Variants in PCDH9 observed in about 807,000 individuals in gnomAD.
PCDH9 encodes the protein protocadherin-9.
PCDH9 carries 24 observed loss-of-function variants against 70.6 expected under a neutral mutation model. The ratio of observed to expected loss-of-function variants is 0.34; its 90% CI spans 0.25 to 0.48. The LOEUF (loss-of-function observed/expected upper bound fraction) is 0.48. PCDH9 is among the 20% of genes least tolerant of loss of function. PCDH9 has a pLI of 0.99. For synonymous variants in PCDH9, 562 were observed against 558.5 expected, an observed-to-expected ratio of 1.01 and a Z score of -0.09; for missense variants, 1,281 against 1,503.6, an observed-to-expected ratio of 0.85 and a Z score of 2.45.
intron 4 of PCDH9, among the ~76,000 whole-genome samples, chr13:66,606,542 A>G (rs1166579380): frequency 6.6e-6 from 1 of 152,164 alleles, no homozygotes; most frequent in Non-Finnish European, 1.5e-5. Flanking sequence ...CTAGTATTCC[A>G]GCACTGTAAT....
At chr13:66,878,196 T>C (rs1443928330) in intron 3 of PCDH9, among the ~76,000 whole-genome samples, 1 of 151,746 alleles carries the variant, frequency 6.6e-6, no homozygotes, top group African/African-American at 2.4e-5. Context: ...GTGGGACTAA[T>C]TTTTTATTAT....
At chr13:66,578,051 A>T (rs1219777426) in intron 4 of PCDH9, among the ~76,000 whole-genome samples, 1 of 152,090 alleles carries the variant, frequency 6.6e-6, no homozygotes, top group Non-Finnish European at 1.5e-5. Flanking sequence ...TCAAGAGATG[A>T]TATAGATTAT....
chr13:66,403,158 A>C (rs1957218635), intron 4 of PCDH9, among the ~76,000 whole-genome samples: 1 of 151,374 alleles, frequency 6.6e-6, no homozygotes, highest in Non-Finnish European at 1.5e-5. Context: ...TTTTTTTTTC[A>C]ATACAGGGTT....
intron 3 of PCDH9, among the ~76,000 whole-genome samples, chr13:66,658,376 G>T (rs1276787085): frequency 1.3e-5 from 2 of 152,094 alleles, no homozygotes; most frequent in African/African-American, 4.8e-5. Flanking sequence ...TTATGTGTCT[G>T]TTCCAGTCTA....
At chr13:66,986,641 T>G (rs2083897127) in intron 2 of PCDH9, among the ~76,000 whole-genome samples, 1 of 151,986 alleles carries the variant, frequency 6.6e-6, no homozygotes, top group Non-Finnish European at 1.5e-5. Flanking sequence ...GCTAAACATC[T>G]TATTAATACT....
chr13:67,178,355 G>T (rs968780130), intron 2 of PCDH9, among the ~76,000 whole-genome samples: 7 of 152,016 alleles, frequency 4.6e-5, no homozygotes, highest in Non-Finnish European at 1.5e-5. Context: ...TAAAATAAGG[G>T]TCAATAATAT....
chr13:66,442,716 ATAT>A (rs1957998039), intron 4 of PCDH9, among the ~76,000 whole-genome samples: 2 of 151,996 alleles, frequency 1.3e-5, no homozygotes, highest in African/African-American at 4.8e-5. Flanking sequence ...TTTAGCGATA[ATAT>A]TATGGGGACA....
At chr13:66,934,910 C>T (rs1205076695) in intron 2 of PCDH9, among the ~76,000 whole-genome samples, 9 of 149,328 alleles carry the variant, frequency 6.0e-5, no homozygotes, top group Middle Eastern at 3.4e-3. Flanking sequence ...TTAGTAGAGA[C>T]GGGGTTTCAC....
intron 2 of PCDH9, among the ~76,000 whole-genome samples, chr13:66,906,772 A>G (rs1466565738): frequency 6.6e-6 from 1 of 152,226 alleles, no homozygotes; most frequent in Non-Finnish European, 1.5e-5. Flanking sequence ...ACTGTAAACA[A>G]TATTTTGAGA....
intron 4 of PCDH9, among the ~76,000 whole-genome samples, chr13:66,528,530 T>C (rs1204602052): frequency 6.6e-6 from 1 of 152,116 alleles, no homozygotes; most frequent in Non-Finnish European, 1.5e-5. Flanking sequence ...AAAATGTGAG[T>C]GCCTAGTCAA....
chr13:66,700,804 G>T (rs2078628153), intron 3 of PCDH9, among the ~76,000 whole-genome samples: 1 of 150,974 alleles, frequency 6.6e-6, no homozygotes, highest in Non-Finnish European at 1.5e-5. Context: ...CAAAATACAT[G>T]TAAAATGAAA....
intron 2 of PCDH9, chr13:67,210,328 A>G (rs879853990): frequency 3.3e-5 from 5 of 152,104 alleles, no homozygotes; most frequent in Non-Finnish European, 5.9e-5. Context: ...AACCTCAAAA[A>G]AGATAGAGGC....
intron 3 of PCDH9, among the ~76,000 whole-genome samples, chr13:66,721,321 A>G (rs1265645068): frequency 6.6e-6 from 1 of 152,182 alleles, no homozygotes; most frequent in Admixed American, 6.5e-5. Flanking sequence ...ATATCTTGAA[A>G]ATTCAACACA....
intron 2 of PCDH9, among the ~76,000 whole-genome samples, chr13:67,128,063 T>A (rs190191776): frequency 7.9e-5 from 12 of 152,204 alleles, no homozygotes; most frequent in Non-Finnish European, 1.0e-4. Context: ...ATGTGATACA[T>A]TAGTTAAATT....
chr13:67,139,501 C>T (rs7336017), intron 2 of PCDH9, among the ~76,000 whole-genome samples: 100,317 of 152,038 alleles, frequency 0.66, 33,538 homozygotes, highest in African/African-American at 0.73. Flanking sequence ...TAAAATGAAA[C>T]CATTTAGGAA....
intron 4 of PCDH9, among the ~76,000 whole-genome samples, chr13:66,557,219 C>T (rs934032957): frequency 2.0e-5 from 3 of 152,116 alleles, no homozygotes; most frequent in Admixed American, 2.0e-4. Flanking sequence ...GTGCATAAAC[C>T]ATTCAAAAAC....
chr13:66,670,851 T>A (rs556295983), intron 3 of PCDH9, among the ~76,000 whole-genome samples: 5 of 146,008 alleles, frequency 3.4e-5, no homozygotes, highest in African/African-American at 1.3e-4. Flanking sequence ...ACTTTGGAGA[T>A]GATTAAGTAA....
At chr13:66,523,508 T>C (rs2184839) in intron 4 of PCDH9, among the ~76,000 whole-genome samples, 127,905 of 151,958 alleles carry the variant, frequency 0.84, 54,029 homozygotes, top group East Asian at 1. Context: ...AACGTAGTTT[T>C]TTTGCCAAAC....
intron 4 of PCDH9, among the ~76,000 whole-genome samples, chr13:66,374,501 C>T (rs1956715452): frequency 6.6e-6 from 1 of 151,914 alleles, no homozygotes; most frequent in African/African-American, 2.4e-5. Context: ...GAGCTTGGTA[C>T]TCTACACGTT....
Sources: allele counts gnomAD v4.1 joint callset (sites outside exome capture counted in the v4.1 genomes callset), GRCh38; gene constraint gnomAD v4.1.1; transcripts MANE v1.5; gene names NCBI Gene and HGNC (gene_info 2026-07-23, HGNC 2026-07-21).